MAP3K13: variants seen among roughly 807,000 people sequenced by gnomAD.
The protein encoded by MAP3K13 is mitogen-activated protein kinase kinase kinase 13, also known as leucine zipper-bearing kinase.
A neutral mutation model predicts 104.0 loss-of-function variants in MAP3K13; 52 were observed. That is an observed-to-expected ratio of 0.50 (90% CI 0.40 to 0.63). The LOEUF is 0.63. Ranked by LOEUF, MAP3K13 falls within the 20% of genes least tolerant of loss-of-function variation. MAP3K13 has a pLI of 0.00. For missense variants in MAP3K13, 914 were observed against 1,218.5 expected, an observed-to-expected ratio of 0.75 and a Z score of 3.72; for synonymous variants, 394 against 442.2, an observed-to-expected ratio of 0.89 and a Z score of 1.37.
At chr3:185,431,921 T>C (rs1405763511) in intron 2 of MAP3K13, among the ~76,000 whole-genome samples, 2 of 152,158 alleles carry the variant, frequency 1.3e-5, no homozygotes, top group Non-Finnish European at 2.9e-5. Flanking sequence ...CATGCAAAAA[T>C]TCTTCGTCAG....
At chr3:185,289,449 TACCTC>T (rs1720652742) in intron 2 of MAP3K13, among the ~76,000 whole-genome samples, 1 of 152,186 alleles carries the variant, frequency 6.6e-6, no homozygotes, top group African/African-American at 2.4e-5. Flanking sequence ...CCACCAACCT[TACCTC>T]ACCCATAACC....
At chr3:185,425,945 A>T (rs1316198607) in intron 1 of MAP3K13, among the ~76,000 whole-genome samples, 1 of 152,068 alleles carries the variant, frequency 6.6e-6, no homozygotes, top group African/African-American at 2.4e-5. Flanking sequence ...CTGGATTGTG[A>T]TTTCCCAAAG....
chr3:185,285,509 G>GT, intron 1 of MAP3K13: 1 of 936,810 alleles, frequency 1.1e-6, no homozygotes, highest in Non-Finnish European at 1.6e-6. Context: ...CATTCTTGAG[G>GT]TTTTTAGTTT....
At chr3:185,361,792 A>G (rs909260546), upstream of MAP3K13, among the ~76,000 whole-genome samples, 8 of 152,212 alleles carry the variant, frequency 5.3e-5, no homozygotes, top group Non-Finnish European at 1.2e-4. Flanking sequence ...TTACATGTGT[A>G]AACTTCTTTG....
At chr3:185,400,962 A>G (rs558615978) in intron 1 of MAP3K13, among the ~76,000 whole-genome samples, 5 of 77,338 alleles carry the variant, frequency 6.5e-5, no homozygotes, top group African/African-American at 2.6e-4. Flanking sequence ...TAACATTGTT[A>G]TATTTGGGAA....
chr3:185,373,664 A>G (rs1183964360), intron 1 of MAP3K13, among the ~76,000 whole-genome samples: 1 of 152,100 alleles, frequency 6.6e-6, no homozygotes, highest in Admixed American at 6.6e-5. Flanking sequence ...AACAAAAAGA[A>G]TATTTTTCTG....
chr3:185,346,577 TC>T (rs1722933048), intron 2 of MAP3K13, among the ~76,000 whole-genome samples: 1 of 152,216 alleles, frequency 6.6e-6, no homozygotes, highest in Admixed American at 6.5e-5. Context: ...ATTATATTAT[TC>T]CCAGTTATTT....
At chr3:185,413,148 A>G (rs1713542095) in intron 1 of MAP3K13, among the ~76,000 whole-genome samples, 2 of 152,250 alleles carry the variant, frequency 1.3e-5, no homozygotes, top group Non-Finnish European at 2.9e-5. Flanking sequence ...AGCTATACTT[A>G]AATCATTCAC....
chr3:185,474,212 G>A (rs1717977685), intron 11 of MAP3K13, among the ~76,000 whole-genome samples: 1 of 152,120 alleles, frequency 6.6e-6, no homozygotes, highest in Non-Finnish European at 1.5e-5. Context: ...TGTAATCCGA[G>A]CTACTCAGGA....
intron 7 of MAP3K13, among the ~76,000 whole-genome samples, chr3:185,460,091 ATT>A (rs1456008969): frequency 4.6e-5 from 7 of 152,086 alleles, no homozygotes; most frequent in African/African-American, 1.7e-4. Context: ...TATATACCAC[ATT>A]TTGTTTATCC....
At chr3:185,405,671 G>A (rs1176562924) in intron 1 of MAP3K13, among the ~76,000 whole-genome samples, 1 of 152,112 alleles carries the variant, frequency 6.6e-6, no homozygotes, top group Non-Finnish European at 1.5e-5. Flanking sequence ...TCACTTTCTT[G>A]CTCAAATGTC....
intron 7 of MAP3K13, among the ~76,000 whole-genome samples, chr3:185,458,432 C>G (rs188351839): frequency 5.1e-4 from 76 of 149,896 alleles, no homozygotes; most frequent in African/African-American, 1.7e-3. Flanking sequence ...TAGCATAAAA[C>G]AAAAACAAAG....
chr3:185,320,677 G>C (rs1721822145), intron 2 of MAP3K13, among the ~76,000 whole-genome samples: 1 of 152,140 alleles, frequency 6.6e-6, no homozygotes, highest in Non-Finnish European at 1.5e-5. Context: ...ATTTTTACTT[G>C]GTGGGAGTAT....
chr3:185,372,298 G>C (rs917720191), intron 1 of MAP3K13, among the ~76,000 whole-genome samples: 2 of 152,270 alleles, frequency 1.3e-5, no homozygotes, highest in East Asian at 3.9e-4. Context: ...GACTTTGCCA[G>C]GTTCTCCCTT....
At chr3:185,465,720 G>A (rs1298383724) in intron 8 of MAP3K13, 27 bp from the exon 9 acceptor site, 1 of 1,550,004 alleles carries the variant, frequency 6.5e-7, no homozygotes, top group South Asian at 1.1e-5. Context: ...TTGGTTGGCT[G>A]GGCTGACCCT....
intron 1 of MAP3K13, among the ~76,000 whole-genome samples, chr3:185,401,505 C>A (rs547685691): frequency 6.6e-6 from 1 of 152,254 alleles, no homozygotes; most frequent in Admixed American, 6.5e-5. Context: ...CATGGATCAG[C>A]CCTCTGTCCA....
chr3:185,437,373 G>T, intron 2 of MAP3K13, 74 bp from the exon 3 acceptor site: 1 of 1,338,200 alleles, frequency 7.5e-7, no homozygotes, highest in Non-Finnish European at 1.0e-6. Flanking sequence ...GATGAAGTTG[G>T]TACCTTCAGA....
intron 1 of MAP3K13, chr3:185,417,982 G>A: frequency 1.2e-6 from 2 of 1,610,376 alleles, no homozygotes; most frequent in Non-Finnish European, 1.7e-6. Flanking sequence ...TTTACGCCAA[G>A]TGCCATACAA....
chr3:185,406,997 A>G lies in MAP3K13; in HGVS notation c.-85-21500A>G, dbSNP rs1465922324. ...GTATATTCTCACAACATTTTTATCCAGTAAAATAAAGATTAAAATTTTATA... is the reference window on the plus strand; with the variant it reads ...GTATATTCTCACAACATTTTTATCCGGTAAAATAAAGATTAAAATTTTATA... On this transcript the variant is annotated intron_variant, in intron 1 of 13. Coordinates refer to ENST00000265026, the MANE Select transcript of MAP3K13 (RefSeq NM_004721.5). Among the ~76,000 whole-genome samples, 4 of 152,182 alleles carry G rather than the reference A, an allele frequency of 2.6e-5. No homozygotes were observed. In the East Asian group the frequency reaches 7.7e-4, roughly 29 times the overall value.
Sources: allele counts gnomAD v4.1 joint callset (sites outside exome capture counted in the v4.1 genomes callset), GRCh38; gene constraint gnomAD v4.1.1; transcripts MANE v1.5; gene names NCBI Gene and HGNC (gene_info 2026-07-23, HGNC 2026-07-21).